DLGAP2: variants seen among roughly 807,000 people sequenced by gnomAD.
DLGAP2 encodes the protein DLG associated protein 2.
In DLGAP2, 26 loss-of-function variants were observed where a neutral mutation model predicts 100.3. The ratio of observed to expected loss-of-function variants is 0.26; its 90% CI spans 0.19 to 0.36. The LOEUF is 0.36. DLGAP2 is among the 10% of genes least tolerant of loss of function. The pLI is 1.00. For missense variants in DLGAP2, 1,858 were observed against 1,453.2 expected (o/e 1.28, Z -4.53); for synonymous variants, 886 against 630.1 (o/e 1.41, Z -6.08).
At chr8:1,380,459 A>G (rs1796065301) in intron 3 of DLGAP2, among the ~76,000 whole-genome samples, 2 of 152,330 alleles carry the variant, frequency 1.3e-5, no homozygotes, top group South Asian at 4.1e-4. Flanking sequence ...ATTCGTGCAT[A>G]AAACTCACCC....
rs146109845 is a variant in DLGAP2, at chr8:1,114,579, C to T, written c.74-144272C>T. ...TCATTTCTAATTGTATTTATTTGGG[C>T]CTCCTCTCTTTTCTTCTTTATTATT... On this transcript the variant is annotated intron_variant, in intron 2 of 14. Transcript: ENST00000637795. 3.1e-4 allele frequency among the ~76,000 whole-genome samples: 47 copies of T among 151,618 alleles called. 1 individual carries two copies. The highest frequency in any genetic ancestry group is 1.1e-3 in the African/African-American group (44 of 41,336).
intron 1 of DLGAP2, chr8:738,058 C>T (rs771436642): frequency 1.3e-4 from 36 of 279,948 alleles, no homozygotes; most frequent in Non-Finnish European, 2.1e-4. Flanking sequence ...CATCCCTGGC[C>T]GCGCTCGGGG....
At chr8:849,011 T>C (rs1333384136) in intron 1 of DLGAP2, among the ~76,000 whole-genome samples, 1 of 152,034 alleles carries the variant, frequency 6.6e-6, no homozygotes, top group African/African-American at 2.4e-5. Context: ...GTGAGGTGCC[T>C]GTTCCAGTAT....
At chr8:1,027,623 A>T (rs1801844484) in intron 2 of DLGAP2, among the ~76,000 whole-genome samples, 1 of 134,810 alleles carries the variant, frequency 7.4e-6, no homozygotes, top group African/African-American at 2.8e-5. Context: ...GTGGGGTGTC[A>T]GGCGCCCGTT....
intron 6 of DLGAP2, among the ~76,000 whole-genome samples, chr8:1,569,110 C>G (rs1168162593): frequency 6.6e-6 from 1 of 151,466 alleles, no homozygotes; most frequent in Non-Finnish European, 1.5e-5. Flanking sequence ...ATGCCACTGC[C>G]CACTCACCAG....
intron 1 of DLGAP2, among the ~76,000 whole-genome samples, chr8:813,505 C>T (rs561927692): frequency 3.2e-4 from 49 of 152,268 alleles, no homozygotes; most frequent in Non-Finnish European, 3.4e-4. Context: ...TCCAGGCACC[C>T]TTGAGGTGTG....
At chr8:1,678,867 G>C (rs894038654) in intron 12 of DLGAP2, 2 of 449,746 alleles carry the variant, frequency 4.4e-6, no homozygotes, top group Non-Finnish European at 7.6e-6. Context: ...AAGTTGAATA[G>C]AAAATCAACT....
At position 1,522,251 on chromosome 8, in the gene DLGAP2, C is replaced by T. The variant is rs143002185; in HGVS notation, c.172+20820C>T. Among the ~76,000 whole-genome samples, 20 of 152,338 alleles carry T rather than the reference C, an allele frequency of 1.3e-4. No homozygotes were observed. In the East Asian group the frequency reaches 3.3e-3, roughly 25 times the overall value. On this transcript the variant is annotated intron_variant, in intron 4 of 14. Transcript: ENST00000637795. ...TTGGGTTTGATGCACCAGCATCCTG[C>T]CGTATAACAGTCTGGTTCTGATGCT...
At chr8:1,572,061 G>A (rs528628136) in intron 6 of DLGAP2, among the ~76,000 whole-genome samples, 1 of 137,086 alleles carries the variant, frequency 7.3e-6, no homozygotes, top group African/African-American at 2.9e-5. Flanking sequence ...TGTCTGATGA[G>A]ATGGAGAGGA....
intron 1 of DLGAP2, among the ~76,000 whole-genome samples, chr8:759,687 C>A (rs556942973): frequency 1.3e-5 from 2 of 152,298 alleles, no homozygotes; most frequent in South Asian, 4.1e-4. Context: ...CCATGTGACT[C>A]CCTGCGACTG....
chr8:1,594,646 A>T (rs1050677133), intron 6 of DLGAP2, among the ~76,000 whole-genome samples: 12 of 152,114 alleles, frequency 7.9e-5, no homozygotes, highest in Non-Finnish European at 1.3e-4. Context: ...CTGATCCTGA[A>T]CTCCTGACCT....
chr8:1,215,052 A>G (rs192725168), intron 2 of DLGAP2, among the ~76,000 whole-genome samples: 97 of 152,318 alleles, frequency 6.4e-4, no homozygotes, highest in Admixed American at 6.3e-3. Context: ...TAAGAACACA[A>G]AAGGGAAAAT....
intron 6 of DLGAP2, among the ~76,000 whole-genome samples, chr8:1,584,543 G>T (rs995625300): frequency 6.6e-6 from 1 of 152,262 alleles, no homozygotes; most frequent in Non-Finnish European, 1.5e-5. Context: ...GGGAGATTCT[G>T]GTCCAGCCTG....
chr8:960,394 C>A (rs904251828), intron 2 of DLGAP2, among the ~76,000 whole-genome samples: 2 of 151,678 alleles, frequency 1.3e-5, no homozygotes, highest in Admixed American at 1.3e-4. Flanking sequence ...CACCACCACG[C>A]CAGCTGTTTG....
At position 1,548,603 on chromosome 8, in the gene DLGAP2, A is replaced by G. The variant is rs761099432; in HGVS notation, c.173-23A>G. 6.8e-6 allele frequency: 10 copies of G among 1,468,748 alleles called. No individual in the cohort carries two copies. The African/African-American group carries it at 1.0e-4, about 15-fold the overall frequency. 91.0% of individuals were successfully genotyped at this position (1,468,748 alleles called of 1,614,324 possible). A position where few individuals can be genotyped will look rare whatever the true frequency, so the allele number is the denominator to read the frequency against. ...TTTCCGCCGCGCTTCCGGGTGTTCA[A>G]TGCCGTTTCTGTTTCCCCACAGACC... is the stretch of plus-strand genomic sequence containing the variant. On this transcript the variant is annotated intron_variant, in intron 4 of 14. Coordinates refer to ENST00000637795, the MANE Select transcript of DLGAP2 (RefSeq NM_001346810.2).
intron 6 of DLGAP2, among the ~76,000 whole-genome samples, chr8:1,607,680 C>T (rs1453842572): frequency 2.0e-5 from 3 of 152,166 alleles, no homozygotes; most frequent in African/African-American, 2.4e-5. Context: ...CCAGTGGGTG[C>T]GCGCACCGGG....
rs182328181 is a variant in DLGAP2, at chr8:1,627,656, T to G, written c.1590+769T>G. Among the ~76,000 whole-genome samples, 205 of 152,352 alleles carry G rather than the reference T, an allele frequency of 1.3e-3. 1 individual carries two copies. Among genetic ancestry groups the G allele is most frequent in the African/African-American group, 4.7e-3 (197 of 41,570 alleles). ...CTTGAGTTTGTATACCTAACAAACA[T>G]TTTCTCTTAGTGTGGAGTAGGGATT... is the stretch of plus-strand genomic sequence containing the variant. On this transcript the variant is annotated intron_variant, in intron 7 of 14. Transcript: ENST00000637795.
chr8:1,012,538 C>A (rs1442203021), intron 2 of DLGAP2, among the ~76,000 whole-genome samples: 12 of 132,584 alleles, frequency 9.1e-5, no homozygotes, highest in Non-Finnish European at 1.6e-4. Context: ...CCAGCCCCCC[C>A]ACTTCAGCGG....
chr8:772,015 G>A (rs996660546), intron 1 of DLGAP2, among the ~76,000 whole-genome samples: 1 of 152,038 alleles, frequency 6.6e-6, no homozygotes, highest in South Asian at 2.1e-4. Context: ...CGATCCTCTT[G>A]CCTCAGCCTC....
Sources: allele counts gnomAD v4.1 joint callset (sites outside exome capture counted in the v4.1 genomes callset), GRCh38; gene constraint gnomAD v4.1.1; transcripts MANE v1.5; gene names NCBI Gene and HGNC (gene_info 2026-07-23, HGNC 2026-07-21).